Variants in SAMD3 observed in about 807,000 individuals in gnomAD.
SAMD3 encodes the protein sterile alpha motif domain-containing protein 3.
Under a neutral mutation model 58.5 loss-of-function variants are expected in SAMD3, and 63 were observed. That is an observed-to-expected ratio of 1.08 (90% CI 0.88 to 1.33). The LOEUF (loss-of-function observed/expected upper bound fraction) is 1.33, where lower values mean the gene tolerates loss of function less well. SAMD3 is among the 40% of genes most tolerant of loss of function. The pLI, the probability that SAMD3 is intolerant of heterozygous loss-of-function variation, is 0.00. For missense variants in SAMD3, 604 were observed against 608.4 expected, an observed-to-expected ratio of 0.99 and a Z score of 0.08; for synonymous variants, 220 against 210.3, an observed-to-expected ratio of 1.05 and a Z score of -0.40.
At chr6:130,290,505 T>C (rs1174973048) in intron 2 of SAMD3, among the ~76,000 whole-genome samples, 1 of 152,206 alleles carries the variant, frequency 6.6e-6, no homozygotes, top group African/African-American at 2.4e-5. Context: ...CACAGAAACA[T>C]GCAGTCTAGT....
chr6:130,338,961 A>G (rs771895786), intron 1 of SAMD3, among the ~76,000 whole-genome samples: 1 of 152,140 alleles, frequency 6.6e-6, no homozygotes, highest in Non-Finnish European at 1.5e-5. Flanking sequence ...TGGTTTTGAA[A>G]TGTAAAAAGG....
intron 4 of SAMD3, among the ~76,000 whole-genome samples, chr6:130,211,629 G>T (rs1795575340): frequency 6.6e-6 from 1 of 152,028 alleles, no homozygotes; most frequent in Non-Finnish European, 1.5e-5. Context: ...GGAAGCCCCA[G>T]CTTTGAGTTG....
rs1429795679 is a variant in SAMD3 at position 130,180,658 on chromosome 6, G to T, written c.654+3445C>A. On this transcript the variant is annotated intron_variant, in intron 7 of 11. Transcript: ENST00000439090. ...TGTTGCTTTGTTTTGTTTTTTAAGA[G>T]AAATTTTGCTTTATTCTGTAGTGTG... 3.3e-5 allele frequency among the ~76,000 whole-genome samples: 5 copies of T among 152,232 alleles called. No individual in the cohort carries two copies. The East Asian group carries it at 7.7e-4, about 24-fold the overall frequency.
chr6:130,226,656 G>A (rs182782588), upstream of SAMD3, among the ~76,000 whole-genome samples: 62 of 152,166 alleles, frequency 4.1e-4, no homozygotes, highest in African/African-American at 1.3e-3. Context: ...GTGAAACCCC[G>A]TCTCTACTAA....
chr6:130,345,231 G>A (rs1222942999), intron 1 of SAMD3, among the ~76,000 whole-genome samples: 4 of 152,198 alleles, frequency 2.6e-5, no homozygotes, highest in African/African-American at 9.7e-5. Flanking sequence ...TTGTGTGGAG[G>A]TGGAGGTAGA....
chr6:130,262,832 GA>G (rs531901981), intron 2 of SAMD3, among the ~76,000 whole-genome samples: 2 of 151,868 alleles, frequency 1.3e-5, no homozygotes, highest in African/African-American at 2.4e-5. Flanking sequence ...AATGTTAATT[GA>G]AAAAAAATTC....
At chr6:130,305,542 C>G (rs1009403488) in intron 2 of SAMD3, among the ~76,000 whole-genome samples, 3 of 152,036 alleles carry the variant, frequency 2.0e-5, no homozygotes, top group African/African-American at 7.2e-5. Context: ...GCAATAAGGC[C>G]TTTGTAGATT....
rs555057933 is a variant in SAMD3, at chr6:130,216,866, A to G, written c.-67-250T>C. Reference sequence around the variant, plus strand: ...ATTAAAAATCACACCTTTCTATCACACTTCTGGCTTCCTTGCGAAGATTAG... The same window carrying G: ...ATTAAAAATCACACCTTTCTATCACGCTTCTGGCTTCCTTGCGAAGATTAG... On this transcript the variant is annotated intron_variant, in intron 1 of 11. Coordinates refer to ENST00000439090, the MANE Select transcript of SAMD3 (RefSeq NM_001017373.4). Among the ~76,000 whole-genome samples the G allele has an allele frequency of 2.6e-5, 4 of 152,282 alleles. No individual in the cohort carries two copies. The East Asian group carries it at 5.8e-4, about 22-fold the overall frequency.
In SAMD3 at chr6:130,185,158, C is replaced by T. The variant is rs374092928; in HGVS notation, c.384-535G>A. Among the ~76,000 whole-genome samples the T allele has an allele frequency of 3.1e-4, 47 of 152,114 alleles. No homozygotes were observed. In the South Asian group the frequency reaches 8.9e-3, roughly 29 times the overall value. On this transcript the variant is annotated intron_variant, in intron 5 of 11. Transcript: ENST00000439090. Reference sequence around the variant, plus strand: ...AATTAAATATAAGTAACAGATATTCCGATTCTATCCAGATGAAATTTCTAT... The same window carrying T: ...AATTAAATATAAGTAACAGATATTCTGATTCTATCCAGATGAAATTTCTAT...
chr6:130,326,072 T>C (rs981747904), intron 1 of SAMD3, among the ~76,000 whole-genome samples: 12 of 152,348 alleles, frequency 7.9e-5, no homozygotes, highest in African/African-American at 2.9e-4. Context: ...GAGGAATGAA[T>C]AAATGATGAA....
intron 2 of SAMD3, among the ~76,000 whole-genome samples, chr6:130,265,763 C>T (rs1216897628): frequency 4.5e-5 from 6 of 133,294 alleles, no homozygotes; most frequent in African/African-American, 1.1e-4. Context: ...AAGTGTTAGC[C>T]AAAACAGAAA....
chr6:130,277,280 A>T (rs562878418), intron 2 of SAMD3, among the ~76,000 whole-genome samples: 1 of 152,120 alleles, frequency 6.6e-6, no homozygotes, highest in Non-Finnish European at 1.5e-5. Flanking sequence ...TTAGGGTGGG[A>T]CTATTATCAT....
chr6:130,266,520 A>T (rs1400613219), intron 2 of SAMD3, among the ~76,000 whole-genome samples: 1 of 152,188 alleles, frequency 6.6e-6, no homozygotes, highest in Non-Finnish European at 1.5e-5. Context: ...TGCCTTAGGC[A>T]AAAACTGTAC....
intron 2 of SAMD3, among the ~76,000 whole-genome samples, chr6:130,286,535 TTC>T (rs1431143147): frequency 6.6e-6 from 1 of 152,212 alleles, no homozygotes; most frequent in Non-Finnish European, 1.5e-5. Flanking sequence ...GCTTCAAATT[TTC>T]TCTCTTTTTT....
At chr6:130,287,893 T>G (rs1434176703) in intron 2 of SAMD3, among the ~76,000 whole-genome samples, 1 of 147,748 alleles carries the variant, frequency 6.8e-6, no homozygotes, top group East Asian at 2.0e-4. Flanking sequence ...TGCAGTGAGC[T>G]GAGATCACGC....
Position 130,176,022 on chromosome 6 carries a change from C to T in SAMD3, c.655-14G>A. 1.2e-6 allele frequency: 2 copies of T among 1,607,716 alleles called. No individual in the cohort carries two copies. Among genetic ancestry groups the T allele is most frequent in the Non-Finnish European group, 1.7e-6 (2 of 1,175,450 alleles). On this transcript the variant is annotated splice_polypyrimidine_tract_variant and intron_variant, in intron 7 of 11. Coordinates refer to ENST00000439090, the MANE Select transcript of SAMD3 (RefSeq NM_001017373.4). ...TTTCCATAAAAACTGTAAAATAAAA[C>T]AGACCAGTTAATCTTCAAGGAGATT...
intron 1 of SAMD3, among the ~76,000 whole-genome samples, chr6:130,360,582 G>A (rs963225790): frequency 6.6e-6 from 1 of 152,208 alleles, no homozygotes; most frequent in African/African-American, 2.4e-5. Flanking sequence ...GAGGCAGGGT[G>A]AGAACACAGG....
At chr6:130,281,823 G>T (rs1475433832) in intron 2 of SAMD3, among the ~76,000 whole-genome samples, 1 of 151,986 alleles carries the variant, frequency 6.6e-6, no homozygotes, top group Non-Finnish European at 1.5e-5. Flanking sequence ...TGAGGCGGGA[G>T]AATCACTTGA....
chr6:130,273,085 C>A (rs1290758368), intron 2 of SAMD3, among the ~76,000 whole-genome samples: 2 of 150,976 alleles, frequency 1.3e-5, no homozygotes, highest in East Asian at 3.9e-4. Context: ...AATTTTATTT[C>A]TCTGACACTG....
Sources: allele counts gnomAD v4.1 joint callset (sites outside exome capture counted in the v4.1 genomes callset), GRCh38; gene constraint gnomAD v4.1.1; transcripts MANE v1.5; gene names NCBI Gene and HGNC (gene_info 2026-07-23, HGNC 2026-07-21).